Variants in RAB20 observed in about 807,000 individuals in gnomAD.
The protein encoded by RAB20 is ras-related protein Rab-20.
In RAB20, 2 loss-of-function variants were observed where a neutral mutation model predicts 3.7. The ratio of observed to expected loss-of-function variants is 0.54; its 90% CI spans 0.22 to 1.69. The LOEUF is 1.69. Among genes scored for constraint, RAB20 ranks in the 40% most tolerant of loss-of-function variants. The probability of loss-of-function intolerance (pLI) is 0.19; values close to 1 mark genes in which losing one functional copy is unlikely to be tolerated. For missense variants in RAB20, 276 were observed against 311.9 expected (o/e 0.88, Z 0.87); for synonymous variants, 126 against 130.8 (o/e 0.96, Z 0.25).
Position 110,523,502 on chromosome 13 carries a change from G to C in RAB20, c.*163C>G. The C allele has an allele frequency of 2.4e-6, 3 of 1,257,358 alleles. No homozygotes were observed. Among genetic ancestry groups the C allele is most frequent in the Non-Finnish European group, 3.2e-6 (3 of 933,714 alleles). 77.9% of individuals were successfully genotyped at this position (1,257,358 alleles called of 1,614,324 possible). The stretch of plus-strand genomic sequence containing the variant: ...AGAGACTGAGGAGACCACACACGTT[G>C]ACCTCCTCTTCATAGCCAGCCATCA... On this transcript the variant is annotated 3_prime_UTR_variant, in exon 2 of 2. Transcript: ENST00000267328.
At chr13:110,557,883 G>T (rs888683496) in intron 1 of RAB20, among the ~76,000 whole-genome samples, 1 of 152,280 alleles carries the variant, frequency 6.6e-6, no homozygotes, top group Non-Finnish European at 1.5e-5. Context: ...GGGCTCTGGG[G>T]ACCAGGTCTG....
chr13:110,560,734 T>C (rs1227966888), intron 1 of RAB20, among the ~76,000 whole-genome samples: 3 of 151,280 alleles, frequency 2.0e-5, no homozygotes, highest in Non-Finnish European at 4.4e-5. Flanking sequence ...AAATAACTCA[T>C]TACCTATCTT....
intron 1 of RAB20, among the ~76,000 whole-genome samples, chr13:110,531,081 C>T (rs1200322412): frequency 1.3e-5 from 2 of 152,224 alleles, no homozygotes; most frequent in Non-Finnish European, 2.9e-5. Flanking sequence ...TGTGAGTCCT[C>T]AGGGTTTATT....
Position 110,523,484 on chromosome 13 carries a change from G to T in RAB20, c.*181C>A. 5.2e-6 allele frequency: 6 copies of T among 1,159,404 alleles called. No individual in the cohort carries two copies. The highest frequency in any genetic ancestry group is 7.1e-6 in the Non-Finnish European group (6 of 847,040). 71.8% of individuals were successfully genotyped at this position (1,159,404 alleles called of 1,614,324 possible). On this transcript the variant is annotated 3_prime_UTR_variant, in exon 2 of 2. Transcript: ENST00000267328. ...CCTCCCCACCCCTCTGACAGAGACT[G>T]AGGAGACCACACACGTTGACCTCCT...
intron 1 of RAB20, among the ~76,000 whole-genome samples, chr13:110,538,774 C>G (rs766211105): frequency 5.9e-5 from 9 of 152,086 alleles, no homozygotes; most frequent in Non-Finnish European, 1.0e-4. Context: ...GGGGCGAGAC[C>G]GTGAAAGAAC....
chr13:110,558,871 T>C (rs1353263890), intron 1 of RAB20, among the ~76,000 whole-genome samples: 1 of 151,890 alleles, frequency 6.6e-6, no homozygotes. Context: ...CTAACTTTTG[T>C]ATGTTTAGTA....
chr13:110,556,838 T>C (rs534745524), intron 1 of RAB20, among the ~76,000 whole-genome samples: 1 of 152,336 alleles, frequency 6.6e-6, no homozygotes, highest in South Asian at 2.1e-4. Flanking sequence ...AGCAAATTTG[T>C]GTTGTTTTAA....
rs150742710 is a variant in RAB20, at chr13:110,523,760, T to C, written c.610A>G (p.Met204Val). ...FETLFDLVVP[M>V]ILQQRAERPS... is the part of the protein sequence containing the mutation. Reference sequence around the variant, plus strand: ...CTCTCAGCTCTCTGCTGTAAGATCATTGGCACCACCAGGTCAAAGAGGGTC... The same window carrying C: ...CTCTCAGCTCTCTGCTGTAAGATCACTGGCACCACCAGGTCAAAGAGGGTC... Residue 204 changes from methionine (M) to valine (V), a missense_variant, in exon 2 of 2, where the codon ATG becomes GTG. Physicochemically the swap from Met to Val is conservative, Grantham distance 21. Coordinates refer to ENST00000267328, the MANE Select transcript of RAB20 (RefSeq NM_017817.3). 6.9e-5 allele frequency: 111 copies of C among 1,614,190 alleles called. 1 individual carries two copies. The African/African-American group carries it at 1.3e-3, about 18-fold the overall frequency.
intron 1 of RAB20, among the ~76,000 whole-genome samples, chr13:110,544,087 A>G (rs1161246859): frequency 6.6e-6 from 1 of 152,162 alleles, no homozygotes; most frequent in Non-Finnish European, 1.5e-5. Flanking sequence ...ATGGTGTGAG[A>G]CAAGGGTCTG....
intron 1 of RAB20, among the ~76,000 whole-genome samples, chr13:110,531,652 A>T (rs1403350778): frequency 1.3e-5 from 2 of 152,188 alleles, no homozygotes; most frequent in Admixed American, 6.5e-5. Context: ...TGCTTGTTCC[A>T]TAAATCGTGA....
intron 1 of RAB20, among the ~76,000 whole-genome samples, chr13:110,535,006 T>A (rs1884615202): frequency 8.0e-6 from 1 of 124,452 alleles, no homozygotes; most frequent in South Asian, 2.5e-4. Flanking sequence ...GCTAATTTTT[T>A]AATTTTTAGT....
In RAB20 at chr13:110,546,364, A is replaced by G. The variant is rs1884849514; in HGVS notation, c.172+14984T>C. Reference sequence around the variant, plus strand: ...AAAGTGTTCCAATTGATTCATCTAAAAAGAAAACCTGCTGATCCCAAATAC... The same window carrying G: ...AAAGTGTTCCAATTGATTCATCTAAGAAGAAAACCTGCTGATCCCAAATAC... On this transcript the variant is annotated intron_variant, in intron 1 of 1. Transcript: ENST00000267328. Among the ~76,000 whole-genome samples, 3 of 152,330 alleles carry G rather than the reference A, an allele frequency of 2.0e-5. No homozygotes were observed. In the South Asian group the frequency reaches 6.2e-4, roughly 32 times the overall value.
chr13:110,524,164 T>TACATGG lies in RAB20; in HGVS notation c.200_205dup (p.Ser67_Met68dup), dbSNP rs1316467839. 3.7e-6 allele frequency: 6 copies of TACATGG among 1,603,578 alleles called. 1 individual carries two copies. Among genetic ancestry groups the TACATGG allele is most frequent in the Non-Finnish European group, 5.1e-6 (6 of 1,178,906 alleles). ...GATGATGGCGGCCGCCCCCCGGCAGTACATGGAGCCCAGGCCGTGGAACTG... is the reference window on the plus strand; with the variant it reads ...GATGATGGCGGCCGCCCCCCGGCAGTACATGGACATGGAGCCCAGGCCGTGGAACTG... On this transcript the variant is annotated inframe_insertion, in exon 2 of 2. Transcript: ENST00000267328.
intron 1 of RAB20, among the ~76,000 whole-genome samples, chr13:110,554,990 G>A (rs1395704463): frequency 5.5e-5 from 1 of 18,072 alleles, no homozygotes; most frequent in Non-Finnish European, 1.1e-4. Context: ...GAGCGGCCCT[G>A]GCACCGTGTC....
intron 1 of RAB20, among the ~76,000 whole-genome samples, chr13:110,547,214 T>G (rs908454563): frequency 6.6e-6 from 1 of 152,168 alleles, no homozygotes; most frequent in Non-Finnish European, 1.5e-5. Context: ...GCAGCCAAGG[T>G]CAGGGAAGGG....
In RAB20 at chr13:110,561,572, C is replaced by T; in HGVS notation, c.-53G>A. 1 of 1,500,178 alleles carries T rather than the reference C, an allele frequency of 6.7e-7. No homozygotes were observed. The highest frequency in any genetic ancestry group is 8.9e-7 in the Non-Finnish European group (1 of 1,127,504). 92.9% of individuals were successfully genotyped at this position (1,500,178 alleles called of 1,614,324 possible). On this transcript the variant is annotated 5_prime_UTR_variant, in exon 1 of 2. Transcript: ENST00000267328. ...GCGCCCTCTCCCCGAGGCTGGCCGGCTCGTGCGCCCTGGGCGCAGCTGGAG... is the reference window on the plus strand; with the variant it reads ...GCGCCCTCTCCCCGAGGCTGGCCGGTTCGTGCGCCCTGGGCGCAGCTGGAG...
At chr13:110,550,188 C>A (rs1884928373) in intron 1 of RAB20, among the ~76,000 whole-genome samples, 1 of 152,122 alleles carries the variant, frequency 6.6e-6, no homozygotes, top group African/African-American at 2.4e-5. Flanking sequence ...ACAAGGGCAC[C>A]CCAACTCTGT....
chr13:110,540,471 A>G (rs1016107137), intron 1 of RAB20, among the ~76,000 whole-genome samples: 1 of 152,132 alleles, frequency 6.6e-6, no homozygotes, highest in Admixed American at 6.5e-5. Context: ...GGCCGGGCGC[A>G]GTGGCTCATG....
chr13:110,528,832 G>A (rs1884477668), intron 1 of RAB20, among the ~76,000 whole-genome samples: 1 of 152,186 alleles, frequency 6.6e-6, no homozygotes, highest in Non-Finnish European at 1.5e-5. Flanking sequence ...ACAAATGCTA[G>A]CCAGAAAAAA....
Sources: allele counts gnomAD v4.1 joint callset (sites outside exome capture counted in the v4.1 genomes callset), GRCh38; gene constraint gnomAD v4.1.1; transcripts MANE v1.5; gene names NCBI Gene and HGNC (gene_info 2026-07-23, HGNC 2026-07-21).